Variants in IQSEC2 observed in about 807,000 individuals in gnomAD.
The protein encoded by IQSEC2 is IQ motif and SEC7 domain-containing protein 2.
In IQSEC2, 6 loss-of-function variants were observed where a neutral mutation model predicts 74.6. The ratio of observed to expected loss-of-function variants is 0.08; its 90% CI spans 0.04 to 0.16. The LOEUF is 0.16. IQSEC2 is among the 10% of genes least tolerant of loss of function. The pLI is 1.00. For missense variants in IQSEC2, 734 were observed against 1,306.2 expected, an observed-to-expected ratio of 0.56 and a Z score of 6.75; for synonymous variants, 494 against 544.5, an observed-to-expected ratio of 0.91 and a Z score of 1.29.
At chrX:53,287,160 C>T (rs1556871983) in intron 2 of IQSEC2, among the ~76,000 whole-genome samples, 1 of 110,873 alleles carries the variant, frequency 9.0e-6, no homozygotes, top group Non-Finnish European at 1.9e-5. Context: ...GAAATGTAGC[C>T]TCACAATAGT....
rs2147003811 is a variant in IQSEC2, at chrX:53,234,888, G to T, written c.3798C>A (p.Ala1266=). 1 of 1,164,592 alleles carries T rather than the reference G, an allele frequency of 8.6e-7. No individual in the cohort carries two copies. The highest frequency in any genetic ancestry group is 1.1e-6 in the Non-Finnish European group (1 of 871,399). The change falls in exon 15 of 15, where the codon GCC becomes GCA. Residue 1266 remains alanine (A), a synonymous_variant. Transcript: ENST00000642864. ...GTCCTTGGCAATACTGGGCATGCAG[G>T]GCCTGGAGCTTGGACTGCCCATCAG... ...VLPDGQSKLQ[A]LHAQYCQGPG... is the part of the protein sequence containing the mutation.
At chrX:53,227,560 T>C, downstream of IQSEC2, 1 of 304,820 alleles carries the variant, frequency 3.3e-6, no homozygotes, top group Non-Finnish European at 5.7e-6. Context: ...GCCTGGAGCT[T>C]GGACTGCCCA....
chrX:53,303,230 A>G (rs2075229107), intron 1 of IQSEC2, among the ~76,000 whole-genome samples: 1 of 110,835 alleles, frequency 9.0e-6, no homozygotes, highest in Admixed American at 9.7e-5. Context: ...ATTTAGCCAT[A>G]GGAACAGCCA....
intron 13 of IQSEC2, 88 bp downstream of exon 13, chrX:53,236,234 G>T: frequency 2.0e-6 from 2 of 991,823 alleles, no homozygotes; most frequent in East Asian, 6.6e-5. Flanking sequence ...GTGGCAGGTG[G>T]AGGGAAGGCT....
chrX:53,313,024 T>C (rs2075336130), intron 1 of IQSEC2, among the ~76,000 whole-genome samples: 2 of 112,491 alleles, frequency 1.8e-5, no homozygotes, highest in Middle Eastern at 4.2e-3. Flanking sequence ...ATCTAAAATG[T>C]TGGAGGAATA....
chrX:53,270,471 C>T (rs961263988), intron 2 of IQSEC2, among the ~76,000 whole-genome samples: 8 of 110,996 alleles, frequency 7.2e-5, no homozygotes, highest in African/African-American at 2.0e-4. Context: ...GAGAGGTACA[C>T]GGCTCACTCT....
At chrX:53,288,523 C>T (rs1296724797) in intron 2 of IQSEC2, among the ~76,000 whole-genome samples, 3 of 111,384 alleles carry the variant, frequency 2.7e-5, no homozygotes, top group Admixed American at 9.5e-5. Flanking sequence ...TAGGCCTGGG[C>T]CCCCTCATCT....
chrX:53,263,043 A>G (rs1556866832), intron 2 of IQSEC2, among the ~76,000 whole-genome samples: 1 of 111,796 alleles, frequency 8.9e-6, no homozygotes, highest in African/African-American at 3.3e-5. Flanking sequence ...TGCTCTTACC[A>G]CCACCCCACC....
At chrX:53,226,507 T>C (rs1270342247), downstream of IQSEC2, 2 of 112,871 alleles carry the variant, frequency 1.8e-5, no homozygotes, top group Non-Finnish European at 3.7e-5. Context: ...GAAAAATGAA[T>C]AAATGTCCTT....
intron 2 of IQSEC2, chrX:53,267,125 C>A: frequency 9.0e-7 from 1 of 1,116,607 alleles, no homozygotes. Context: ...GAGGCAGAGG[C>A]ATTAGTTTGC....
chrX:53,321,154 G>A lies in IQSEC2; in HGVS notation c.-31C>T. Reference sequence around the variant, plus strand: ...CGGCCCAGGGGCAGGGGAACGGGCAGGAGAGCCCTGTCCCCGCTCTCTCAC... The same window carrying A: ...CGGCCCAGGGGCAGGGGAACGGGCAAGAGAGCCCTGTCCCCGCTCTCTCAC... On this transcript the variant is annotated 5_prime_UTR_variant, in exon 1 of 15. Transcript: ENST00000642864. The A allele has an allele frequency of 1.1e-6, 1 of 924,439 alleles. No homozygotes were observed. Among genetic ancestry groups the A allele is most frequent in the South Asian group, 2.1e-5 (1 of 47,392 alleles). 76.2% of individuals were successfully genotyped at this position (924,439 alleles called of 1,213,427 possible). A position where few individuals can be genotyped will look rare whatever the true frequency, so the allele number is the denominator to read the frequency against.
chrX:53,307,493 G>C (rs909584218), intron 1 of IQSEC2, among the ~76,000 whole-genome samples: 4 of 108,829 alleles, frequency 3.7e-5, no homozygotes, highest in Admixed American at 3.0e-4. Flanking sequence ...GAAAGTATGA[G>C]AGAAAAGGTA....
chrX:53,236,189 C>T, intron 13 of IQSEC2, 133 bp downstream of exon 13: 1 of 775,472 alleles, frequency 1.3e-6, no homozygotes, highest in East Asian at 3.5e-5. Context: ...GGCGCAGCGC[C>T]CAGGGCTCTG....
downstream of IQSEC2, among the ~76,000 whole-genome samples, chrX:53,228,157 T>C (rs1366972339): frequency 5.4e-5 from 6 of 111,461 alleles, no homozygotes; most frequent in African/African-American, 9.8e-5. Context: ...ATGACTGCCA[T>C]TCATCAAGGG....
Position 53,234,676 on chromosome X carries a change from C to T in IQSEC2, c.4010G>A (p.Gly1337Asp). 8.8e-7 allele frequency: 1 copy of T among 1,138,999 alleles called. No individual in the cohort carries two copies. The allele number at this position is 1,138,999 out of a possible 1,213,427, so 93.9% of individuals were successfully genotyped here. A position where few individuals can be genotyped will look rare whatever the true frequency, so the allele number is the denominator to read the frequency against. Residue 1337 changes from glycine to aspartate, a missense_variant, in exon 15 of 15, where the codon GGC (glycine) becomes GAC (aspartate). By Grantham distance (94) the Gly-to-Asp change is moderately conservative (BLOSUM62 -1). Transcript: ENST00000642864. Reference protein sequence around the residue: ...PVPGPQHYTLGRPGRAPRRGA... With the variant: ...PVPGPQHYTLDRPGRAPRRGA... ...CCGTCTGGGTGCCCTGCCTGGCCGG[C>T]CCAAGGTATAGTGTTGGGGCCCTGG...
At chrX:53,236,131 C>T (rs1166531466) in intron 13 of IQSEC2, among the ~76,000 whole-genome samples, 191 bp downstream of exon 13, 1 of 112,312 alleles carries the variant, frequency 8.9e-6, no homozygotes, top group Non-Finnish European at 1.9e-5. Flanking sequence ...ACTCCCTGGC[C>T]CAAAAGCTGG....
intron 8 of IQSEC2, among the ~76,000 whole-genome samples, chrX:53,245,343 G>A (rs782607695): frequency 1.9e-5 from 2 of 107,407 alleles, no homozygotes; most frequent in South Asian, 4.2e-4. Flanking sequence ...TGGGAGGATC[G>A]CTTGAGCCCA....
chrX:53,228,517 G>C, downstream of IQSEC2, among the ~76,000 whole-genome samples: 1 of 112,069 alleles, frequency 8.9e-6, no homozygotes, highest in Middle Eastern at 4.6e-3. Flanking sequence ...GTCTGACATG[G>C]AGTTGGTGCA....
At chrX:53,252,253 G>A (rs781935035) in intron 4 of IQSEC2, among the ~76,000 whole-genome samples, 2 of 109,134 alleles carry the variant, frequency 1.8e-5, no homozygotes, top group African/African-American at 6.7e-5. Flanking sequence ...TAGAGACGGG[G>A]TTTCGCCATG....
Sources: gnomAD v4.1 joint callset for allele counts (sites outside exome capture counted in the v4.1 genomes callset) on GRCh38, gnomAD v4.1.1 for gene constraint, MANE v1.5 for transcripts, NCBI Gene and HGNC (gene_info 2026-07-23, HGNC 2026-07-21) for gene names.